Variants in GAK observed in about 807,000 individuals in gnomAD.
GAK encodes the protein cyclin-G-associated kinase.
GAK carries 79 observed loss-of-function variants against 143.9 expected under a neutral mutation model. The observed-to-expected ratio is 0.55, with a 90% confidence interval of 0.46 to 0.66. GAK has a LOEUF of 0.66. Ranked by LOEUF, GAK falls within the 30% of genes least tolerant of loss-of-function variation. The pLI, the probability that GAK is intolerant of heterozygous loss-of-function variation, is 0.00. For synonymous variants in GAK, 881 were observed against 765.5 expected (o/e 1.15, Z -2.49); for missense variants, 1,693 against 1,779.7 (o/e 0.95, Z 0.88).
At chr4:877,971 A>G (rs1001438430) in intron 15 of GAK, among the ~76,000 whole-genome samples, 162 bp from the exon 16 acceptor site, 2 of 151,606 alleles carry the variant, frequency 1.3e-5, no homozygotes, top group African/African-American at 2.4e-5. Flanking sequence ...ATTTAGTTAT[A>G]TATATATGTG....
intron 23 of GAK, 117 bp from the exon 24 acceptor site, chr4:859,839 G>C: frequency 1.3e-6 from 1 of 741,380 alleles, no homozygotes; most frequent in African/African-American, 1.7e-5. Context: ...CTGAGAGCTG[G>C]CACCTGCATG....
intron 11 of GAK, chr4:888,598 G>A (rs1717018035): frequency 4.0e-6 from 2 of 501,514 alleles, no homozygotes; most frequent in Non-Finnish European, 7.1e-6. Context: ...CAAGGGAGGG[G>A]AGGGCCCAGG....
Position 867,353 on chromosome 4 carries a change from C to T in GAK, c.2475G>A (p.Glu825=). 1 of 1,603,918 alleles carries T rather than the reference C, an allele frequency of 6.2e-7. No individual in the cohort carries two copies. Among genetic ancestry groups the T allele is most frequent in the Non-Finnish European group, 8.5e-7 (1 of 1,173,266 alleles). ...ATCCCCCTTCATCTGACACCTCACT[C>T]TCGTCTCTGTCCTCCATCAGGGCAG... ...SESALMEDRD[E]SEVSDEGGSP... The change falls in exon 21 of 28, where the codon GAG becomes GAA. Residue 825 remains glutamate (E), a synonymous_variant. Coordinates refer to ENST00000314167, the MANE Select transcript of GAK (RefSeq NM_005255.4).
chr4:855,110 T>G (rs965747034), intron 24 of GAK, among the ~76,000 whole-genome samples: 1 of 152,248 alleles, frequency 6.6e-6, no homozygotes, highest in South Asian at 2.1e-4. Flanking sequence ...GTAAGCTCAT[T>G]TGTATCTAGG....
chr4:911,682 G>A lies in GAK; in HGVS notation c.373C>T (p.Leu125Phe). ...GQAEFLLLTE[L>F]CKGQLVEFLK... Reference sequence around the variant, plus strand: ...CTTCACAGGACGTTACCTTTACAGAGCTCTGTGAGCAAGAGGAACTCAGCC... The same window carrying A: ...CTTCACAGGACGTTACCTTTACAGAACTCTGTGAGCAAGAGGAACTCAGCC... Residue 125 changes from leucine (L) to phenylalanine (F), a missense_variant, in exon 4 of 28, where the codon CTC (leucine) becomes TTC (phenylalanine). Physicochemically the swap from Leu to Phe is conservative, Grantham distance 22. This residue lies in a region of GAK where 871 missense variants were observed against 991.0 expected (regional missense o/e 0.88). Coordinates refer to ENST00000314167, the MANE Select transcript of GAK (RefSeq NM_005255.4). 2 of 1,612,872 alleles carry A rather than the reference G, an allele frequency of 1.2e-6. No individual in the cohort carries two copies. Among genetic ancestry groups the A allele is most frequent in the South Asian group, 2.2e-5 (2 of 91,054 alleles).
intron 10 of GAK, among the ~76,000 whole-genome samples, chr4:889,526 C>T (rs1717237212): frequency 6.6e-6 from 1 of 152,200 alleles, no homozygotes. Context: ...GGGGGCACTG[C>T]AGAACCCAGC....
intron 1 of GAK, 71 bp downstream of exon 1, chr4:931,972 C>A: frequency 8.7e-7 from 1 of 1,149,098 alleles, no homozygotes; most frequent in Non-Finnish European, 1.3e-6. Flanking sequence ...CCACTCCGGG[C>A]TGACGCTGCC....
chr4:857,248 T>TCC (rs1749446081), intron 24 of GAK, among the ~76,000 whole-genome samples: 1 of 152,236 alleles, frequency 6.6e-6, no homozygotes, highest in Non-Finnish European at 1.5e-5. Flanking sequence ...TCTGTGTGTA[T>TCC]ATTCATGGGG....
chr4:880,973 C>T (rs773506952), intron 15 of GAK, among the ~76,000 whole-genome samples: 11 of 152,208 alleles, frequency 7.2e-5, no homozygotes, highest in Non-Finnish European at 1.2e-4. Context: ...GGGCTCCCAA[C>T]TTTGCACTCC....
chr4:863,686 C>A (rs937612453), intron 23 of GAK, among the ~76,000 whole-genome samples: 1 of 152,226 alleles, frequency 6.6e-6, no homozygotes, highest in African/African-American at 2.4e-5. Context: ...ATTTCTAAAT[C>A]AAGGTAACTA....
chr4:898,008 C>G (rs1397347882), intron 6 of GAK, 25 bp downstream of exon 6: 2 of 1,599,044 alleles, frequency 1.3e-6, no homozygotes, highest in Non-Finnish European at 1.7e-6. Context: ...CCAGCTTCCC[C>G]CAGCATAGGC....
At chr4:906,916 G>A (rs750800469) in intron 4 of GAK, among the ~76,000 whole-genome samples, 3 of 152,070 alleles carry the variant, frequency 2.0e-5, no homozygotes, top group South Asian at 2.1e-4. Flanking sequence ...CTCCCAGACC[G>A]CCCCTTCTGC....
intron 6 of GAK, among the ~76,000 whole-genome samples, chr4:897,293 G>A (rs1404839348): frequency 6.6e-6 from 1 of 152,208 alleles, no homozygotes; most frequent in African/African-American, 2.4e-5. Context: ...TAAAGGGAAT[G>A]GGAAAATGAG....
rs1378336192 is a variant in GAK, at chr4:866,389, G to A, written c.3018C>T (p.Ser1006=). The change falls in exon 22 of 28, where the codon TCC becomes TCT. Residue 1006 remains serine, a synonymous_variant. Transcript: ENST00000314167. ...FPSAHSAPPP[S]CSADFLHLGD... ...CCAGGTGCAGGAAGTCGGCGCTGCA[G>A]GATGGGGGCGGAGCACTGTGGGCAG... The A allele has an allele frequency of 3.1e-6, 5 of 1,613,968 alleles. No homozygotes were observed. The highest frequency in any genetic ancestry group is 4.2e-6 in the Non-Finnish European group (5 of 1,179,976).
chr4:855,377 G>A (rs1748955181), intron 24 of GAK, among the ~76,000 whole-genome samples: 1 of 151,754 alleles, frequency 6.6e-6, no homozygotes, highest in South Asian at 2.1e-4. Context: ...TGTTTTAAAT[G>A]TTGGCTTCCT....
chr4:874,135 G>A (rs1458062985), intron 18 of GAK, among the ~76,000 whole-genome samples: 1 of 151,606 alleles, frequency 6.6e-6, no homozygotes, highest in African/African-American at 2.4e-5. Context: ...GTGTGTGTGT[G>A]CGCGCTGGTG....
At position 865,667 on chromosome 4, in the gene GAK, C is replaced by T. The variant is rs1027343821; in HGVS notation, c.3044-423G>A. ...GTCCTGTCTGCCCTGGCTCTGGCCA[C>T]GCAGCACACCTCTGGCGGCACCCGC... On this transcript the variant is annotated intron_variant, in intron 22 of 27. Transcript: ENST00000314167. Among the ~76,000 whole-genome samples the T allele has an allele frequency of 3.3e-5, 5 of 152,338 alleles. No individual in the cohort carries two copies. The East Asian group carries it at 5.8e-4, about 18-fold the overall frequency.
intron 23 of GAK, among the ~76,000 whole-genome samples, chr4:862,726 G>A (rs1750522477): frequency 6.6e-6 from 1 of 151,814 alleles, no homozygotes; most frequent in Non-Finnish European, 1.5e-5. Flanking sequence ...AAGCCTGGAT[G>A]GCAGCCATCT....
Position 882,764 on chromosome 4 carries a change from T to C in GAK, c.1460A>G (p.Asn487Ser). 1 of 1,612,176 alleles carries C rather than the reference T, an allele frequency of 6.2e-7. No homozygotes were observed. Among genetic ancestry groups the C allele is most frequent in the Non-Finnish European group, 8.5e-7 (1 of 1,179,950 alleles). Residue 487 changes from asparagine (N) to serine (S), a missense_variant, in exon 14 of 28, where the codon AAC (asparagine) becomes AGC (serine). This residue lies in a region of GAK where 871 missense variants were observed against 991.0 expected (regional missense o/e 0.88). Transcript: ENST00000314167. ...RRAPHLHTLY[N>S]ICRNMHAWLR... ...CCAGGCGTGCATGTTCCTGCAGATG[T>C]TGTACAGGGTGTGCAGGTGTGGGGC...
Sources: allele counts gnomAD v4.1 joint callset (sites outside exome capture counted in the v4.1 genomes callset), GRCh38; gene constraint gnomAD v4.1.1; regional missense constraint gnomAD v4.1.1; transcripts MANE v1.5; gene names NCBI Gene and HGNC (gene_info 2026-07-23, HGNC 2026-07-21).